Variants in FOXO1 observed in about 807,000 individuals in gnomAD.
FOXO1 encodes forkhead box O1.
A neutral mutation model predicts 44.1 loss-of-function variants in FOXO1; 6 were observed. That is an observed-to-expected ratio of 0.14 (90% CI 0.07 to 0.27). The LOEUF is 0.27. FOXO1 is among the 10% of genes least tolerant of loss of function. The pLI, the probability that FOXO1 is intolerant of heterozygous loss-of-function variation, is 1.00. For synonymous variants in FOXO1, 380 were observed against 362.7 expected (o/e 1.05, Z -0.54); for missense variants, 737 against 888.8 (o/e 0.83, Z 2.17).
chr13:40,611,982 G>A (rs1043321353), intron 1 of FOXO1, among the ~76,000 whole-genome samples: 18 of 152,146 alleles, frequency 1.2e-4, no homozygotes, highest in African/African-American at 4.3e-4. Context: ...GCTGAGGTGG[G>A]AGGTTTGTTT....
intron 1 of FOXO1, among the ~76,000 whole-genome samples, chr13:40,579,661 A>G (rs1330020662): frequency 1.3e-5 from 2 of 152,202 alleles, no homozygotes; most frequent in African/African-American, 2.4e-5. Context: ...CTCCCAGGCC[A>G]GGAAAACACT....
At chr13:40,570,032 G>A (rs1056856927) in intron 1 of FOXO1, among the ~76,000 whole-genome samples, 1 of 152,114 alleles carries the variant, frequency 6.6e-6, no homozygotes, top group African/African-American at 2.4e-5. Context: ...GAGCCCCTAG[G>A]CCAGGCGCAG....
intron 1 of FOXO1, chr13:40,619,538 T>C: frequency 7.3e-7 from 1 of 1,374,578 alleles, no homozygotes; most frequent in African/African-American, 1.4e-5. Flanking sequence ...GGATCTGAAA[T>C]TCATGGAGAT....
chr13:40,604,886 A>G (rs766749809), intron 1 of FOXO1, among the ~76,000 whole-genome samples: 46 of 152,186 alleles, frequency 3.0e-4, no homozygotes, highest in Non-Finnish European at 6.3e-4. Context: ...CCTATTAGAC[A>G]CAAACCCTTT....
chr13:40,595,092 G>T (rs193152550), intron 1 of FOXO1, among the ~76,000 whole-genome samples: 6 of 152,276 alleles, frequency 3.9e-5, no homozygotes, highest in Admixed American at 2.0e-4. Context: ...CATCCTAATA[G>T]CTTCACATTG....
intron 1 of FOXO1, among the ~76,000 whole-genome samples, chr13:40,661,139 G>T (rs1012177367): frequency 1.3e-5 from 2 of 152,142 alleles, no homozygotes; most frequent in African/African-American, 4.8e-5. Context: ...TGAACAAAAT[G>T]TTTTAGCTCT....
chr13:40,599,636 G>T (rs1875746176), intron 1 of FOXO1, among the ~76,000 whole-genome samples: 1 of 152,162 alleles, frequency 6.6e-6, no homozygotes, highest in Non-Finnish European at 1.5e-5. Flanking sequence ...TTCTAGATAG[G>T]GTGGGTACGG....
Position 40,666,490 on chromosome 13 carries a change from G to A in FOXO1, c.-278C>T, listed in dbSNP as rs1878262974. On this transcript the variant is annotated 5_prime_UTR_variant, in exon 1 of 3. Transcript: ENST00000379561. ...CGGGCCGGGGCAGAGCCTGCGCCGC[G>A]CTCCAGCTGACAGGGCCGCGGACGG... The A allele has an allele frequency of 5.9e-6, 2 of 338,464 alleles. No individual in the cohort carries two copies. Among genetic ancestry groups the A allele is most frequent in the Non-Finnish European group, 1.1e-5 (2 of 187,022 alleles). The allele number at this position is 338,464 out of a possible 1,614,324, so 21.0% of individuals were successfully genotyped here.
intron 1 of FOXO1, chr13:40,621,268 C>T: frequency 1.2e-6 from 1 of 802,024 alleles, no homozygotes; most frequent in African/African-American, 1.8e-5. Flanking sequence ...ATTCATTGTA[C>T]TGACCGATGG....
intron 1 of FOXO1, among the ~76,000 whole-genome samples, chr13:40,651,084 G>GT (rs1484477140): frequency 8.0e-4 from 90 of 112,530 alleles, no homozygotes; most frequent in African/African-American, 3.6e-3. Flanking sequence ...AGTTTTTTTG[G>GT]TTTTTTGTTT....
At chr13:40,596,796 A>G (rs1875593803) in intron 1 of FOXO1, among the ~76,000 whole-genome samples, 1 of 152,210 alleles carries the variant, frequency 6.6e-6, no homozygotes, top group South Asian at 2.1e-4. Flanking sequence ...ATTTCTGCAT[A>G]CACATCTAAG....
At chr13:40,628,283 T>C (rs558131978) in intron 1 of FOXO1, among the ~76,000 whole-genome samples, 5 of 152,008 alleles carry the variant, frequency 3.3e-5, no homozygotes, top group Admixed American at 3.3e-4. Context: ...AGCATACCCA[T>C]GTCAAAACTT....
chr13:40,642,186 C>G (rs937028632), intron 1 of FOXO1, among the ~76,000 whole-genome samples: 1 of 152,186 alleles, frequency 6.6e-6, no homozygotes, highest in Non-Finnish European at 1.5e-5. Flanking sequence ...CAATAAATAT[C>G]AGCTTCTTTT....
At chr13:40,658,980 C>A (rs1024529486) in intron 1 of FOXO1, among the ~76,000 whole-genome samples, 4 of 151,852 alleles carry the variant, frequency 2.6e-5, no homozygotes, top group African/African-American at 9.7e-5. Flanking sequence ...CCACTGCACT[C>A]CAGCCTGGAT....
At chr13:40,664,954 C>A (rs908058550) in intron 1 of FOXO1, among the ~76,000 whole-genome samples, 2 of 151,928 alleles carry the variant, frequency 1.3e-5, no homozygotes, top group African/African-American at 4.8e-5. Flanking sequence ...ACCTCGGGCT[C>A]GGGACGCCGG....
intron 1 of FOXO1, among the ~76,000 whole-genome samples, chr13:40,568,122 G>A (rs1447114010): frequency 6.6e-6 from 1 of 152,098 alleles, no homozygotes; most frequent in African/African-American, 2.4e-5. Flanking sequence ...AAGGTCCCCA[G>A]AGACCCCCAG....
chr13:40,590,803 T>C (rs184264869), intron 1 of FOXO1, among the ~76,000 whole-genome samples: 289 of 152,216 alleles, frequency 1.9e-3, no homozygotes, highest in African/African-American at 6.7e-3. Context: ...TTGAGAGAGA[T>C]TTAAACATTT....
chr13:40,568,760 C>G (rs1042946404), intron 1 of FOXO1, among the ~76,000 whole-genome samples: 1 of 152,136 alleles, frequency 6.6e-6, no homozygotes, highest in African/African-American at 2.4e-5. Flanking sequence ...CACTGCTACC[C>G]CCACTGTGCA....
In FOXO1 at chr13:40,666,455, C is replaced by T; in HGVS notation, c.-243G>A. Reference sequence around the variant, plus strand: ...TCCGCCGCACGGACTGGACGGCCGGCCAGAGCCGCCGGGCCGGGGCAGAGC... The same window carrying T: ...TCCGCCGCACGGACTGGACGGCCGGTCAGAGCCGCCGGGCCGGGGCAGAGC... On this transcript the variant is annotated 5_prime_UTR_variant, in exon 1 of 3. Coordinates refer to ENST00000379561, the MANE Select transcript of FOXO1 (RefSeq NM_002015.4). 2.7e-6 allele frequency: 1 copy of T among 371,988 alleles called. No individual in the cohort carries two copies. 23.0% of individuals were successfully genotyped at this position (371,988 alleles called of 1,614,324 possible). A position where few individuals can be genotyped will look rare whatever the true frequency, so the allele number is the denominator to read the frequency against.
Sources: gnomAD v4.1 joint callset for allele counts (sites outside exome capture counted in the v4.1 genomes callset) on GRCh38, gnomAD v4.1.1 for gene constraint, MANE v1.5 for transcripts, NCBI Gene and HGNC (gene_info 2026-07-23, HGNC 2026-07-21) for gene names.